Variants in ASTN2 observed in about 807,000 individuals in gnomAD.
ASTN2 encodes astrotactin 2.
ASTN2 carries 54 observed loss-of-function variants against 139.8 expected under a neutral mutation model. That is an observed-to-expected ratio of 0.39 (90% CI 0.31 to 0.48). The LOEUF (loss-of-function observed/expected upper bound fraction) is 0.48. ASTN2 is among the 20% of genes least tolerant of loss of function. ASTN2 has a pLI of 0.95. For synonymous variants in ASTN2, 756 were observed against 719.5 expected, an observed-to-expected ratio of 1.05 and a Z score of -0.81; for missense variants, 1,565 against 1,725.1, an observed-to-expected ratio of 0.91 and a Z score of 1.64.
chr9:117,393,725 CT>C (rs571667661), intron 1 of ASTN2, among the ~76,000 whole-genome samples: 194 of 152,322 alleles, frequency 1.3e-3, no homozygotes, highest in African/African-American at 3.9e-3. Context: ...CTGAGACCCT[CT>C]TGCTAAGGCC....
intron 1 of ASTN2, among the ~76,000 whole-genome samples, chr9:117,323,473 A>C (rs915080706): frequency 2.0e-5 from 3 of 152,126 alleles, no homozygotes; most frequent in Non-Finnish European, 4.4e-5. Flanking sequence ...AGCTTCCGAA[A>C]GGTTTATGGC....
intron 10 of ASTN2, among the ~76,000 whole-genome samples, chr9:116,937,877 A>C (rs1013298700): frequency 6.6e-6 from 1 of 152,196 alleles, no homozygotes; most frequent in Admixed American, 6.5e-5. Context: ...CATAAAGTTC[A>C]CTGTCTAACA....
intron 19 of ASTN2, among the ~76,000 whole-genome samples, chr9:116,535,428 T>C (rs11506778): frequency 0.59 from 90,242 of 152,116 alleles, 28,136 homozygotes; most frequent in African/African-American, 0.79. Context: ...TTATTTTGTT[T>C]GTTAGTTGAT....
chr9:116,831,489 G>A (rs563084794), intron 11 of ASTN2, among the ~76,000 whole-genome samples: 1 of 152,072 alleles, frequency 6.6e-6, no homozygotes, highest in Non-Finnish European at 1.5e-5. Flanking sequence ...AATGTTTTAG[G>A]AGCTGAAAAT....
intron 2 of ASTN2, among the ~76,000 whole-genome samples, chr9:117,238,480 C>T (rs1833112091): frequency 6.6e-6 from 1 of 152,210 alleles, no homozygotes; most frequent in Admixed American, 6.5e-5. Context: ...CCTCCCAGTG[C>T]TGAACCTGTT....
intron 13 of ASTN2, among the ~76,000 whole-genome samples, chr9:116,749,953 A>T (rs914837442): frequency 6.6e-6 from 1 of 152,186 alleles, no homozygotes; most frequent in Non-Finnish European, 1.5e-5. Context: ...CCATGTTTGT[A>T]CAGCCTGCAG....
intron 2 of ASTN2, among the ~76,000 whole-genome samples, chr9:117,264,524 C>T (rs1026727051): frequency 5.3e-5 from 8 of 151,978 alleles, no homozygotes; most frequent in African/African-American, 1.7e-4. Flanking sequence ...ACTAAGCTAC[C>T]GAATATAGCA....
intron 3 of ASTN2, among the ~76,000 whole-genome samples, chr9:117,156,401 C>G (rs953877238): frequency 6.6e-6 from 1 of 152,002 alleles, no homozygotes; most frequent in East Asian, 1.9e-4. Flanking sequence ...AACTTTGGCA[C>G]TATTGACATT....
chr9:117,283,981 G>C (rs962573985), intron 2 of ASTN2, among the ~76,000 whole-genome samples: 1 of 151,892 alleles, frequency 6.6e-6, no homozygotes, highest in African/African-American at 2.4e-5. Context: ...AAAAACCACA[G>C]TTACTTTTGC....
At chr9:117,389,411 G>A (rs190503521) in intron 1 of ASTN2, among the ~76,000 whole-genome samples, 37 of 152,262 alleles carry the variant, frequency 2.4e-4, no homozygotes, top group African/African-American at 7.0e-4. Flanking sequence ...CAACTCAACC[G>A]TTCTCTTACT....
intron 4 of ASTN2, among the ~76,000 whole-genome samples, chr9:117,110,284 T>C (rs563930758): frequency 1.3e-5 from 2 of 152,326 alleles, no homozygotes; most frequent in African/African-American, 4.8e-5. Context: ...CCCATCCATT[T>C]TGACCTGCTT....
intron 20 of ASTN2, among the ~76,000 whole-genome samples, chr9:116,464,077 C>T (rs1196966762): frequency 6.6e-6 from 1 of 151,942 alleles, no homozygotes; most frequent in Non-Finnish European, 1.5e-5. Context: ...CAGAATCTGA[C>T]ACATAGCAGA....
chr9:116,596,899 C>T (rs1854603425), intron 19 of ASTN2, among the ~76,000 whole-genome samples: 1 of 152,020 alleles, frequency 6.6e-6, no homozygotes, highest in Non-Finnish European at 1.5e-5. Flanking sequence ...AAATTCAAAG[C>T]AGAGGGAGGT....
intron 16 of ASTN2, among the ~76,000 whole-genome samples, chr9:116,688,586 G>A (rs948954927): frequency 2.2e-4 from 33 of 152,134 alleles, no homozygotes; most frequent in African/African-American, 7.7e-4. Flanking sequence ...ACAAAGATCC[G>A]TTATCATGAG....
At chr9:116,903,620 C>T (rs1834077141) in intron 10 of ASTN2, among the ~76,000 whole-genome samples, 1 of 152,180 alleles carries the variant, frequency 6.6e-6, no homozygotes, top group African/African-American at 2.4e-5. Context: ...CTGAACCCAC[C>T]TCCTCCTCTT....
intron 1 of ASTN2, among the ~76,000 whole-genome samples, chr9:117,391,896 G>C (rs1285384179): frequency 2.0e-5 from 3 of 152,084 alleles, no homozygotes. Flanking sequence ...CAAAACAAAG[G>C]GGATACAGGC....
chr9:116,448,373 T>C lies in ASTN2; in HGVS notation c.3498-5820A>G, dbSNP rs543497522. On this transcript the variant is annotated intron_variant, in intron 20 of 22. Coordinates refer to ENST00000313400, the MANE Select transcript of ASTN2 (RefSeq NM_001365068.1). ...ACCTAGTCCCAGCTTAAGCTTTGGG[T>C]CTGGGAAGCTGGATGGCCAGGGCCA... is the stretch of plus-strand genomic sequence containing the variant. Among the ~76,000 whole-genome samples, 7 of 148,910 alleles carry C rather than the reference T, an allele frequency of 4.7e-5. No homozygotes were observed. The South Asian group carries it at 1.1e-3, about 23-fold the overall frequency.
chr9:117,241,467 T>A (rs879068602), intron 2 of ASTN2, among the ~76,000 whole-genome samples: 1 of 152,086 alleles, frequency 6.6e-6, no homozygotes, highest in South Asian at 2.1e-4. Context: ...GGAAGAAAAT[T>A]TTTCCATGGA....
intron 5 of ASTN2, among the ~76,000 whole-genome samples, chr9:117,093,692 T>C (rs1333327956): frequency 6.6e-6 from 1 of 152,118 alleles, no homozygotes; most frequent in Non-Finnish European, 1.5e-5. Context: ...GACTGAGACA[T>C]TGGGTTCTAA....
Sources: allele counts gnomAD v4.1 joint callset (sites outside exome capture counted in the v4.1 genomes callset), GRCh38; gene constraint gnomAD v4.1.1; transcripts MANE v1.5; gene names NCBI Gene and HGNC (gene_info 2026-07-23, HGNC 2026-07-21).